Variants in PCDH15 observed in about 807,000 individuals in gnomAD.
PCDH15 encodes protocadherin related 15.
In PCDH15, 129 loss-of-function variants were observed where a neutral mutation model predicts 178.5. The observed-to-expected ratio is 0.72, with a 90% confidence interval of 0.63 to 0.84. The LOEUF (loss-of-function observed/expected upper bound fraction) is 0.84. Among genes scored for constraint, PCDH15 ranks in the 40% least tolerant of loss-of-function variants. PCDH15 has a pLI of 0.00. For synonymous variants in PCDH15, 800 were observed against 732.0 expected (o/e 1.09, Z -1.50); for missense variants, 2,230 against 2,099.9 (o/e 1.06, Z -1.21).
upstream of PCDH15, among the ~76,000 whole-genome samples, chr10:55,323,616 T>C (rs558643517): frequency 6.6e-6 from 1 of 152,338 alleles, no homozygotes; most frequent in South Asian, 2.1e-4. Flanking sequence ...TATGGGCCTG[T>C]AGTTCCTTTG....
intron 2 of PCDH15, among the ~76,000 whole-genome samples, chr10:55,020,485 G>A (rs1840298117): frequency 6.6e-6 from 1 of 152,024 alleles, no homozygotes; most frequent in South Asian, 2.1e-4. Context: ...GTTGTAATAG[G>A]AGAGAAAGAC....
chr10:54,833,292 A>G (rs934947270), intron 3 of PCDH15, among the ~76,000 whole-genome samples: 1 of 152,180 alleles, frequency 6.6e-6, no homozygotes, highest in Admixed American at 6.6e-5. Context: ...TGTCTAGGCA[A>G]TGCTGTCCAT....
intron 13 of PCDH15, among the ~76,000 whole-genome samples, chr10:54,179,577 A>C (rs1428714605): frequency 6.6e-6 from 1 of 152,068 alleles, no homozygotes; most frequent in Non-Finnish European, 1.5e-5. Context: ...AATAATAATA[A>C]AATAAAATTT....
chr10:54,426,918 G>C (rs1470064819), intron 3 of PCDH15, among the ~76,000 whole-genome samples: 8 of 151,152 alleles, frequency 5.3e-5, no homozygotes, highest in Admixed American at 2.0e-4. Flanking sequence ...AAAAAAAAAA[G>C]AATAGCAAAA....
intron 18 of PCDH15, among the ~76,000 whole-genome samples, chr10:54,040,946 A>C (rs1037466404): frequency 2.0e-5 from 3 of 152,106 alleles, no homozygotes; most frequent in African/African-American, 7.2e-5. Context: ...GTAACTTTTA[A>C]ATAGGCCCTT....
intron 2 of PCDH15, among the ~76,000 whole-genome samples, chr10:55,328,939 T>C (rs1316713282): frequency 7.6e-6 from 1 of 132,432 alleles, no homozygotes. Context: ...TATATATATA[T>C]ATATATATAT....
At chr10:55,305,311 G>C (rs1478088151) in intron 1 of PCDH15, among the ~76,000 whole-genome samples, 1 of 152,230 alleles carries the variant, frequency 6.6e-6, no homozygotes, top group African/African-American at 2.4e-5. Context: ...TTTGGCTCAA[G>C]CCAAGCATAT....
At chr10:54,327,440 T>C (rs2133851779) in intron 7 of PCDH15, among the ~76,000 whole-genome samples, 1 of 148,930 alleles carries the variant, frequency 6.7e-6, no homozygotes, top group East Asian at 1.9e-4. Context: ...CATCTTATAA[T>C]ATATAATTAT....
At chr10:54,168,569 T>C (rs903786047) in intron 13 of PCDH15, among the ~76,000 whole-genome samples, 3 of 152,324 alleles carry the variant, frequency 2.0e-5, no homozygotes, top group Non-Finnish European at 4.4e-5. Flanking sequence ...CTCCCCCACC[T>C]GCCCAGCAAT....
chr10:54,919,823 A>G (rs535428544), intron 2 of PCDH15, among the ~76,000 whole-genome samples: 1 of 152,172 alleles, frequency 6.6e-6, no homozygotes, highest in South Asian at 2.1e-4. Flanking sequence ...ACCAAGCAAC[A>G]TTGCAAATCT....
chr10:54,566,455 T>C lies in PCDH15; in HGVS notation c.92-38578A>G, dbSNP rs564635570. Among the ~76,000 whole-genome samples the C allele has an allele frequency of 3.9e-5, 6 of 152,270 alleles. No individual in the cohort carries two copies. The East Asian group carries it at 1.2e-3, about 29-fold the overall frequency. Reference sequence around the variant, plus strand: ...ATCATTATAGTATCATACAGACTTATTTTCACTGACCAAAAAATCCTCTGT... The same window carrying C: ...ATCATTATAGTATCATACAGACTTACTTTCACTGACCAAAAAATCCTCTGT... On this transcript the variant is annotated intron_variant, in intron 2 of 37. Transcript: ENST00000644397.
In PCDH15 at chr10:55,309,666, A is replaced by T. The variant is rs570308361; in HGVS notation, c.-156+9933T>A. 3.3e-5 allele frequency among the ~76,000 whole-genome samples: 5 copies of T among 152,332 alleles called. No homozygotes were observed. The East Asian group carries it at 9.6e-4, about 29-fold the overall frequency. Reference sequence around the variant, plus strand: ...TGGGTGATCACAATAGGAAAAAAATAGTTTCTGATTAAACTTTAAGTGGGA... The same window carrying T: ...TGGGTGATCACAATAGGAAAAAAATTGTTTCTGATTAAACTTTAAGTGGGA... On this transcript the variant is annotated intron_variant, in intron 1 of 5. Coordinates refer to the PCDH15 transcript ENST00000458638.
At chr10:55,584,658 CAAAA>C (rs59983365) in intron 2 of PCDH15, among the ~76,000 whole-genome samples, 1 of 72,262 alleles carries the variant, frequency 1.4e-5, no homozygotes, top group Non-Finnish European at 2.6e-5. Context: ...ACTCTGTCTC[CAAAA>C]AAAAAAAAAA....
At chr10:55,555,340 C>T (rs1280824250) in intron 2 of PCDH15, among the ~76,000 whole-genome samples, 1 of 152,098 alleles carries the variant, frequency 6.6e-6, no homozygotes, top group Non-Finnish European at 1.5e-5. Flanking sequence ...AGCCCTAAAG[C>T]TGCTTACTTC....
chr10:55,418,867 G>C (rs1838550339), intron 2 of PCDH15, among the ~76,000 whole-genome samples: 1 of 151,734 alleles, frequency 6.6e-6, no homozygotes, highest in African/African-American at 2.4e-5. Context: ...AATTAAAGCA[G>C]AAGTTATTAT....
At chr10:55,542,359 T>C (rs1841782986) in intron 2 of PCDH15, among the ~76,000 whole-genome samples, 4 of 151,048 alleles carry the variant, frequency 2.6e-5, no homozygotes, top group African/African-American at 9.7e-5. Flanking sequence ...AGTGTGTATA[T>C]ATAAATATAA....
At chr10:54,199,810 T>G (rs2050050972) in intron 10 of PCDH15, among the ~76,000 whole-genome samples, 1 of 152,106 alleles carries the variant, frequency 6.6e-6, no homozygotes, top group South Asian at 2.1e-4. Context: ...TTATTTATAT[T>G]TACAGAGTCT....
At chr10:54,574,396 G>C (rs1438574947) in intron 2 of PCDH15, among the ~76,000 whole-genome samples, 3 of 151,348 alleles carry the variant, frequency 2.0e-5, no homozygotes, top group Non-Finnish European at 4.4e-5. Context: ...TCTCTGTTTT[G>C]GTACCGGTAC....
At chr10:55,125,764 A>AT (rs1184901765) in intron 2 of PCDH15, among the ~76,000 whole-genome samples, 1 of 152,160 alleles carries the variant, frequency 6.6e-6, no homozygotes, top group Non-Finnish European at 1.5e-5. Context: ...CATATAGAGT[A>AT]GCAAGAGGCA....
Sources: allele counts gnomAD v4.1 joint callset (sites outside exome capture counted in the v4.1 genomes callset), GRCh38; gene constraint gnomAD v4.1.1; transcripts MANE v1.5; gene names NCBI Gene and HGNC (gene_info 2026-07-23, HGNC 2026-07-21).